Variants in TENM2 observed in about 807,000 individuals in gnomAD.
The protein encoded by TENM2 is teneurin-2.
Under a neutral mutation model 245.2 loss-of-function variants are expected in TENM2, and 52 were observed. The ratio of observed to expected loss-of-function variants is 0.21; its 90% confidence interval spans 0.17 to 0.27. The LOEUF (loss-of-function observed/expected upper bound fraction) is 0.27. Ranked by LOEUF, TENM2 falls within the 10% of genes least tolerant of loss-of-function variation. The pLI is 1.00. For missense variants in TENM2, 3,046 were observed against 3,666.8 expected (o/e 0.83, Z 4.37); for synonymous variants, 1,363 against 1,438.9 (o/e 0.95, Z 1.19).
intron 3 of TENM2, chr5:167,937,957 C>T (rs1044482146): frequency 6.6e-6 from 1 of 152,300 alleles, no homozygotes; most frequent in African/African-American, 2.4e-5. Flanking sequence ...GTCTCCACTG[C>T]TCTCCATCAT....
chr5:167,500,091 A>C (rs1046938881), intron 2 of TENM2, among the ~76,000 whole-genome samples: 1 of 150,480 alleles, frequency 6.6e-6, no homozygotes, highest in South Asian at 2.1e-4. Flanking sequence ...TGTGTGTTCT[A>C]CAAGATGTGG....
intron 2 of TENM2, among the ~76,000 whole-genome samples, chr5:167,668,903 G>A (rs1468547656): frequency 3.3e-5 from 5 of 152,022 alleles, no homozygotes; most frequent in South Asian, 2.1e-4. Flanking sequence ...GCAGTGAGCC[G>A]AGATCCCCCA....
At chr5:168,044,996 T>C (rs891244408) in intron 5 of TENM2, among the ~76,000 whole-genome samples, 1 of 151,790 alleles carries the variant, frequency 6.6e-6, no homozygotes, top group African/African-American at 2.4e-5. Flanking sequence ...AGAAGGTGGT[T>C]ATACCCCAGA....
At chr5:168,140,789 T>G (rs949025651) in intron 12 of TENM2, among the ~76,000 whole-genome samples, 10 of 152,176 alleles carry the variant, frequency 6.6e-5, no homozygotes, top group Non-Finnish European at 1.3e-4. Flanking sequence ...TTCCTTATGC[T>G]GATAAAATTA....
intron 2 of TENM2, among the ~76,000 whole-genome samples, chr5:167,642,739 C>T (rs1209337625): frequency 2.6e-5 from 4 of 152,188 alleles, no homozygotes; most frequent in Non-Finnish European, 5.9e-5. Context: ...AAATGCAATG[C>T]TTGGCTTAAC....
exon 18 of TENM2, chr5:168,203,713 C>A: frequency 1.2e-6 from 2 of 1,611,896 alleles, no homozygotes; most frequent in East Asian, 2.2e-5. Context: ...GAATATGAGA[C>A]CTGTCCCAGT....
chr5:167,816,838 T>C (rs1767096074), intron 2 of TENM2, among the ~76,000 whole-genome samples: 1 of 101,676 alleles, frequency 9.8e-6, no homozygotes, highest in Non-Finnish European at 2.9e-5. Flanking sequence ...GAAGTACACC[T>C]TGTAAGGCAA....
intron 2 of TENM2, among the ~76,000 whole-genome samples, chr5:167,817,596 T>C (rs1029690579): frequency 2.6e-5 from 4 of 152,128 alleles, no homozygotes; most frequent in African/African-American, 9.7e-5. Context: ...TAGAACCTTT[T>C]CTCTACAAAG....
chr5:167,848,076 A>G (rs890671662), intron 2 of TENM2, among the ~76,000 whole-genome samples: 1 of 152,148 alleles, frequency 6.6e-6, no homozygotes, highest in African/African-American at 2.4e-5. Context: ...GTGTTTCTCA[A>G]CATACCTGCT....
intron 2 of TENM2, among the ~76,000 whole-genome samples, chr5:167,817,447 A>G (rs1203097255): frequency 6.6e-6 from 1 of 152,206 alleles, no homozygotes; most frequent in East Asian, 1.9e-4. Flanking sequence ...TTAATAACTT[A>G]TATGTGTGAT....
At chr5:167,985,393 C>G (rs1166032387) in intron 4 of TENM2, among the ~76,000 whole-genome samples, 1 of 152,166 alleles carries the variant, frequency 6.6e-6, no homozygotes. Flanking sequence ...ACAGTCGACA[C>G]CTGGTTTCCC....
the TENM2 span, among the ~76,000 whole-genome samples, chr5:167,183,489 A>G: frequency 6.6e-6 from 1 of 152,294 alleles, no homozygotes; most frequent in East Asian, 1.9e-4. Context: ...TTATGTGGCT[A>G]TATTGTGATA....
intron 2 of TENM2, among the ~76,000 whole-genome samples, chr5:167,377,020 G>A (rs896018361): frequency 2.0e-5 from 3 of 152,046 alleles, no homozygotes; most frequent in African/African-American, 7.2e-5. Flanking sequence ...TCTATACAGA[G>A]TTATTTATAC....
intron 3 of TENM2, among the ~76,000 whole-genome samples, chr5:167,911,794 G>A (rs950529148): frequency 5.3e-5 from 8 of 152,246 alleles, no homozygotes; most frequent in African/African-American, 1.2e-4. Flanking sequence ...ACAGAAATAC[G>A]TACAACTGGG....
chr5:168,146,876 A>G (rs1033205484), intron 12 of TENM2, among the ~76,000 whole-genome samples: 2 of 152,206 alleles, frequency 1.3e-5, no homozygotes, highest in African/African-American at 2.4e-5. Context: ...GGTAGTTGCA[A>G]TGGGGTTCTG....
intron 2 of TENM2, among the ~76,000 whole-genome samples, chr5:167,856,367 G>C (rs1194500947): frequency 4.6e-5 from 7 of 152,156 alleles, no homozygotes; most frequent in Admixed American, 4.6e-4. Flanking sequence ...GGGTTATTAT[G>C]TTGGGAATGG....
intron 4 of TENM2, among the ~76,000 whole-genome samples, chr5:167,982,989 G>A (rs1404945031): frequency 3.9e-5 from 6 of 152,020 alleles, no homozygotes; most frequent in East Asian, 3.9e-4. Flanking sequence ...TCTACCTGCC[G>A]GTGAACACAA....
intron 2 of TENM2, among the ~76,000 whole-genome samples, chr5:167,838,988 T>C (rs1769246246): frequency 6.6e-6 from 1 of 152,184 alleles, no homozygotes; most frequent in Admixed American, 6.5e-5. Context: ...AGGGTGTTAT[T>C]TTGAGTGAAA....
chr5:167,051,005 G>T, the TENM2 span, among the ~76,000 whole-genome samples: 1 of 152,028 alleles, frequency 6.6e-6, no homozygotes, highest in Non-Finnish European at 1.5e-5. Flanking sequence ...CTATGAATTC[G>T]CAACTGGCAC....
Sources: gnomAD v4.1 joint callset for allele counts (sites outside exome capture counted in the v4.1 genomes callset) on GRCh38, gnomAD v4.1.1 for gene constraint, MANE v1.5 for transcripts, NCBI Gene and HGNC (gene_info 2026-07-23, HGNC 2026-07-21) for gene names.